The following XCR1 variants were observed in gnomAD, a reference collection of about 807,000 sequenced individuals.
XCR1 encodes the protein chemokine XC receptor 1.
For missense variants in XCR1, 356 were observed against 424.2 expected (o/e 0.84, Z 1.41); for synonymous variants, 187 against 188.5 (o/e 0.99, Z 0.06).
chr3:46,021,490 ACAGCCATGGTCAC>A lies in XCR1; in HGVS notation c.445_457del (p.Val149CysfsTer3). ...GGAGGACAGGATGCTGGCTACCCAC[ACAGCCATGGTCAC>A]CAGCACCCGGCAGCGGAGGGTGGGG... On this transcript the variant is annotated frameshift_variant, in exon 2 of 2. Transcript: ENST00000309285. LOFTEE classifies it low-confidence loss of function (END_TRUNC). This position sits in a 1 kb window ranked among gnomAD's most constrained non-coding sequence, Gnocchi z 4.7. 6.2e-7 allele frequency: 1 copy of A among 1,613,730 alleles called. No homozygotes were observed. The highest frequency in any genetic ancestry group is 8.5e-7 in the Non-Finnish European group (1 of 1,179,820).
intron 1 of XCR1, among the ~76,000 whole-genome samples, chr3:46,084,328 G>A (rs1698432730): frequency 6.6e-6 from 1 of 152,204 alleles, no homozygotes. Context: ...GAGAGCAAAA[G>A]GAAACTTTTA....
chr3:46,083,819 C>T lies in XCR1; in HGVS notation c.-515+1975G>A, dbSNP rs763935638. On this transcript the variant is annotated intron_variant, in intron 1 of 5. Coordinates refer to the XCR1 transcript ENST00000683768. ...GTATTTCCCATGAAGTAGAAACTCA[C>T]CTAGGAAAAATCAGGGAAGAAGCTG... is the stretch of plus-strand genomic sequence containing the variant. Among the ~76,000 whole-genome samples, 8 of 152,234 alleles carry T rather than the reference C, an allele frequency of 5.3e-5. No individual in the cohort carries two copies. The South Asian group carries it at 1.5e-3, about 28-fold the overall frequency.
chr3:46,060,408 C>A (rs567743318), intron 4 of XCR1, among the ~76,000 whole-genome samples: 1 of 152,300 alleles, frequency 6.6e-6, no homozygotes, highest in South Asian at 2.1e-4. Flanking sequence ...TACAAATATA[C>A]TTTGTCTTCT....
intron 4 of XCR1, among the ~76,000 whole-genome samples, chr3:46,064,843 G>A (rs1846618): frequency 0.11 from 17,396 of 152,104 alleles, 3,328 homozygotes; most frequent in African/African-American, 0.4. Flanking sequence ...TGTAATCCCA[G>A]CACTGTGGGA....
intron 5 of XCR1, among the ~76,000 whole-genome samples, chr3:46,044,677 A>G (rs1481417531): frequency 6.6e-6 from 1 of 152,210 alleles, no homozygotes; most frequent in Non-Finnish European, 1.5e-5. Context: ...AGTCATTACT[A>G]CTAATCCCAT....
chr3:46,065,047 C>T (rs374675980), intron 4 of XCR1, among the ~76,000 whole-genome samples: 400 of 151,956 alleles, frequency 2.6e-3, no homozygotes, highest in Admixed American at 6.1e-3. Context: ...GCCAAGATCC[C>T]GCCATTGCAC....
At chr3:46,045,975 T>C (rs1304928524) in intron 5 of XCR1, among the ~76,000 whole-genome samples, 2 of 152,188 alleles carry the variant, frequency 1.3e-5, no homozygotes, top group African/African-American at 4.8e-5. Context: ...TAAGTGTCCA[T>C]CAACAGGTGA....
rs376073207 is a variant in XCR1 at position 46,045,351 on chromosome 3, G to A, written c.-32+8569C>T. Among the ~76,000 whole-genome samples, 11 of 152,048 alleles carry A rather than the reference G, an allele frequency of 7.2e-5. No individual in the cohort carries two copies. The South Asian group carries it at 1.2e-3, about 17-fold the overall frequency. On this transcript the variant is annotated intron_variant, in intron 5 of 5. Transcript: ENST00000683768. ...TTGAACTCAGGAGGCAGAGGTTGCA[G>A]TGAGCCGAGATCGCGCCAGAGTGAG...
chr3:46,050,423 A>G (rs898800734), intron 5 of XCR1, among the ~76,000 whole-genome samples: 1 of 152,194 alleles, frequency 6.6e-6, no homozygotes, highest in Non-Finnish European at 1.5e-5. Context: ...CTCCATTAAC[A>G]ATACTTCCTA....
In XCR1 at chr3:46,043,760, A is replaced by T. The variant is rs140667175; in HGVS notation, c.-32+10160T>A. On this transcript the variant is annotated intron_variant, in intron 5 of 5. Transcript: ENST00000683768. ...CACACACACACACACACACACACAC[A>T]CAAGAATGCCTACTTACACTACTTC... Among the ~76,000 whole-genome samples, 1,114 of 145,912 alleles carry T rather than the reference A, an allele frequency of 7.6e-3. 14 individuals are homozygous for T. The highest frequency in any genetic ancestry group is 0.028 in the African/African-American group (1,066 of 38,234).
chr3:46,065,791 C>A (rs75134295), intron 4 of XCR1, among the ~76,000 whole-genome samples: 24,841 of 152,138 alleles, frequency 0.16, 2,181 homozygotes, highest in East Asian at 0.25. Context: ...GAGGACTGAG[C>A]CCTGGGCGGT....
chr3:46,045,156 C>G (rs577971296), intron 5 of XCR1, among the ~76,000 whole-genome samples: 11 of 152,172 alleles, frequency 7.2e-5, no homozygotes, highest in Middle Eastern at 3.4e-3. Flanking sequence ...TGGGGTGGCC[C>G]ACACCTGTAA....
At position 46,048,624 on chromosome 3, in the gene XCR1, C is replaced by T. The variant is rs905678104; in HGVS notation, c.-32+5296G>A. Among the ~76,000 whole-genome samples the T allele has an allele frequency of 5.9e-5, 9 of 152,280 alleles. No individual in the cohort carries two copies. In the East Asian group the frequency reaches 1.7e-3, roughly 29 times the overall value. ...GGCACCCACACGGCTTGTCCATCTC[C>T]TGTGAAAACACAAGCATATCCTCTT... On this transcript the variant is annotated intron_variant, in intron 5 of 5. Coordinates refer to the XCR1 transcript ENST00000683768.
rs1708055465 is a variant in XCR1 at position 46,017,118 on chromosome 3, A to T, written c.*3828T>A. The T allele has an allele frequency of 6.6e-6, 1 of 152,234 alleles. No individual in the cohort carries two copies. The highest frequency in any genetic ancestry group is 1.5e-5 in the Non-Finnish European group (1 of 68,036). The allele number at this position is 152,234 out of a possible 1,614,324, so 9.4% of individuals were successfully genotyped here. ...CAACAAAGCAAGTAGTTTTACATAC[A>T]TGACCTTATGCACAGCCTCATAGTG... On this transcript the variant is annotated 3_prime_UTR_variant, in exon 2 of 2. Coordinates refer to ENST00000309285, the MANE Select transcript of XCR1 (RefSeq NM_001024644.2).
chr3:46,057,913 TATCTATCTATC>T (rs1697882636), intron 4 of XCR1, among the ~76,000 whole-genome samples: 1 of 146,278 alleles, frequency 6.8e-6, no homozygotes, highest in South Asian at 2.1e-4. Flanking sequence ...TCTATCTATC[TATCTATCTATC>T]TATCTATCTA....
At chr3:46,038,004 A>G (rs1054417831) in intron 5 of XCR1, among the ~76,000 whole-genome samples, 3 of 149,832 alleles carry the variant, frequency 2.0e-5, no homozygotes, top group Admixed American at 6.6e-5. Flanking sequence ...AATAAAATAT[A>G]TGTTGTGTGC....
At chr3:46,031,484 C>A (rs1476578436), upstream of XCR1, among the ~76,000 whole-genome samples, 3 of 152,350 alleles carry the variant, frequency 2.0e-5, no homozygotes, top group African/African-American at 7.2e-5. Flanking sequence ...GGACTTTGTG[C>A]ACCGATGAGC....
At chr3:46,055,507 A>G (rs1697835432) in intron 4 of XCR1, among the ~76,000 whole-genome samples, 1 of 152,208 alleles carries the variant, frequency 6.6e-6, no homozygotes, top group African/African-American at 2.4e-5. Context: ...TGACCAGTCA[A>G]CAGTCTCCAC....
Position 46,019,479 on chromosome 3 carries a change from C to T in XCR1, c.*1467G>A, listed in dbSNP as rs957722121. On this transcript the variant is annotated 3_prime_UTR_variant, in exon 2 of 2. Coordinates refer to ENST00000309285, the MANE Select transcript of XCR1 (RefSeq NM_001024644.2). ...TTTAGAGGGGACAAGCAGAATCCCA[C>T]GACAACCCAGAGAATGTTCTAATTT... 10 of 152,128 alleles carry T rather than the reference C, an allele frequency of 6.6e-5. No individual in the cohort carries two copies. Among genetic ancestry groups the T allele is most frequent in the African/African-American group, 2.2e-4 (9 of 41,416 alleles). 9.4% of individuals were successfully genotyped at this position (152,128 alleles called of 1,614,324 possible). A position where few individuals can be genotyped will look rare whatever the true frequency, so the allele number is the denominator to read the frequency against.
Sources: allele counts gnomAD v4.1 joint callset (sites outside exome capture counted in the v4.1 genomes callset), GRCh38; gene constraint gnomAD v4.1.1; non-coding constraint Gnocchi (gnomAD v3.1); transcripts MANE v1.5; gene names NCBI Gene and HGNC (gene_info 2026-07-23, HGNC 2026-07-21).